ZNRF1: variants seen among roughly 807,000 people sequenced by gnomAD.
The protein encoded by ZNRF1 is zinc and ring finger 1.
In ZNRF1, 3 loss-of-function variants were observed where a neutral mutation model predicts 18.4. The ratio of observed to expected loss-of-function variants is 0.16; its 90% CI spans 0.07 to 0.42. ZNRF1 has a LOEUF of 0.42. Ranked by LOEUF, ZNRF1 falls within the 10% of genes least tolerant of loss-of-function variation. The pLI is 0.99. For missense variants in ZNRF1, 310 were observed against 329.8 expected, an observed-to-expected ratio of 0.94 and a Z score of 0.47; for synonymous variants, 157 against 144.2, an observed-to-expected ratio of 1.09 and a Z score of -0.64.
chr16:75,043,463 A>T (rs965123625), intron 1 of ZNRF1, among the ~76,000 whole-genome samples: 2 of 152,114 alleles, frequency 1.3e-5, no homozygotes, highest in African/African-American at 4.8e-5. Context: ...CTGCCTTCCA[A>T]AACTGTACAG....
At chr16:75,076,679 G>A (rs181103626) in intron 1 of ZNRF1, among the ~76,000 whole-genome samples, 8 of 147,886 alleles carry the variant, frequency 5.4e-5, no homozygotes, top group African/African-American at 1.7e-4. Flanking sequence ...GCTACGGACT[G>A]AATGTGTTTT....
chr16:75,107,722 G>A lies in ZNRF1; in HGVS notation c.*33-11G>A, dbSNP rs1408293902. The A allele has an allele frequency of 6.6e-6, 3 of 456,228 alleles. No individual in the cohort carries two copies. The highest frequency in any genetic ancestry group is 1.3e-5 in the Non-Finnish European group (3 of 226,784). 28.3% of individuals were successfully genotyped at this position (456,228 alleles called of 1,614,324 possible). Reference sequence around the variant, plus strand: ...CGATGGAGCACGACTTATTTATTACGGTCCACACAGGGACAGAGCGCCCCT... The same window carrying A: ...CGATGGAGCACGACTTATTTATTACAGTCCACACAGGGACAGAGCGCCCCT... On this transcript the variant is annotated splice_polypyrimidine_tract_variant and intron_variant, in intron 4 of 4. Coordinates refer to ENST00000335325, the MANE Select transcript of ZNRF1 (RefSeq NM_032268.5).
rs1471755967 is a variant in ZNRF1 at position 74,999,595 on chromosome 16, C to T, written c.-77C>T. 3 of 1,109,124 alleles carry T rather than the reference C, an allele frequency of 2.7e-6. No individual in the cohort carries two copies. Among genetic ancestry groups the T allele is most frequent in the Non-Finnish European group, 3.5e-6 (3 of 859,478 alleles). 68.7% of individuals were successfully genotyped at this position (1,109,124 alleles called of 1,614,324 possible). ...GACTCCCTCCCCCTTTATGCTCGCC[C>T]AGCCCTCCCCCTGCTGCTGAGAAGT... is the stretch of plus-strand genomic sequence containing the variant. On this transcript the variant is annotated 5_prime_UTR_variant, in exon 1 of 5. It introduces an in-frame stop codon into an upstream open reading frame of the 5' UTR. Coordinates refer to ENST00000335325, the MANE Select transcript of ZNRF1 (RefSeq NM_032268.5).
rs370866660 is a variant in ZNRF1, at chr16:75,000,111, G to C, written c.424+16G>C. ...TCGCATAGTGGTGAGTCCGCGGGTG[G>C]TGGAGGCCTCGGAGGGAGGGCGCGC... On this transcript the variant is annotated intron_variant, in intron 1 of 4. Coordinates refer to ENST00000335325, the MANE Select transcript of ZNRF1 (RefSeq NM_032268.5). The C allele has an allele frequency of 5.6e-6, 9 of 1,593,246 alleles. No homozygotes were observed. Among genetic ancestry groups the C allele is most frequent in the Non-Finnish European group, 6.8e-6 (8 of 1,171,444 alleles).
At chr16:75,022,390 C>T (rs1421623863) in intron 1 of ZNRF1, among the ~76,000 whole-genome samples, 3 of 151,722 alleles carry the variant, frequency 2.0e-5, no homozygotes, top group Non-Finnish European at 2.9e-5. Flanking sequence ...GGTGAAACCC[C>T]GTCTCTACTA....
chr16:75,000,269 C>T, intron 1 of ZNRF1, 174 bp downstream of exon 1: 1 of 993,206 alleles, frequency 1.0e-6, no homozygotes, highest in African/African-American at 1.6e-5. Context: ...ACTAGGCTTT[C>T]TGCGAGGCTG....
At chr16:75,015,319 C>T (rs149547585) in intron 1 of ZNRF1, among the ~76,000 whole-genome samples, 48 of 152,130 alleles carry the variant, frequency 3.2e-4, no homozygotes, top group Admixed American at 2.2e-3. Context: ...GTTTATTGGC[C>T]GGGCGAGGTA....
intron 1 of ZNRF1, among the ~76,000 whole-genome samples, chr16:75,065,140 T>A (rs761047868): frequency 2.0e-5 from 3 of 152,240 alleles, no homozygotes; most frequent in Non-Finnish European, 4.4e-5. Context: ...TTGGCAATTA[T>A]AGTATTACAA....
chr16:75,012,295 A>C (rs139536079), intron 1 of ZNRF1, among the ~76,000 whole-genome samples: 80 of 152,350 alleles, frequency 5.3e-4, no homozygotes, highest in Middle Eastern at 3.4e-3. Flanking sequence ...TAAAAGGATC[A>C]TGAGATGGAA....
intron 4 of ZNRF1, 40 bp downstream of exon 4, chr16:75,106,611 G>A (rs1357919385): frequency 1.3e-6 from 2 of 1,585,724 alleles, no homozygotes; most frequent in Non-Finnish European, 1.7e-6. Flanking sequence ...TCAAGGCTTG[G>A]GGTCAGGTCA....
chr16:75,001,513 T>G (rs184754392), intron 1 of ZNRF1, among the ~76,000 whole-genome samples: 1 of 152,334 alleles, frequency 6.6e-6, no homozygotes, highest in African/African-American at 2.4e-5. Context: ...CAGGACATGA[T>G]TGCCTTTGGC....
chr16:75,084,905 A>G (rs2036056191), intron 1 of ZNRF1, among the ~76,000 whole-genome samples: 1 of 152,252 alleles, frequency 6.6e-6, no homozygotes, highest in Non-Finnish European at 1.5e-5. Flanking sequence ...GAAAAGTTGG[A>G]AGAAGTTTAA....
chr16:75,048,993 G>C (rs1374073418), intron 1 of ZNRF1, among the ~76,000 whole-genome samples: 2 of 150,538 alleles, frequency 1.3e-5, no homozygotes, highest in Non-Finnish European at 3.0e-5. Context: ...TTTATTTGCT[G>C]GAATTTGGAA....
intron 1 of ZNRF1, among the ~76,000 whole-genome samples, chr16:75,034,818 G>C (rs2035355962): frequency 6.6e-6 from 1 of 151,640 alleles, no homozygotes; most frequent in African/African-American, 2.4e-5. Flanking sequence ...GTAGAGACAG[G>C]GTTTTGCCAC....
intron 3 of ZNRF1, chr16:75,105,161 C>G: frequency 2.6e-6 from 1 of 378,640 alleles, no homozygotes; most frequent in Non-Finnish European, 5.0e-6. Context: ...CGTAGAGCCT[C>G]ACAGGTTGGA....
intron 1 of ZNRF1, among the ~76,000 whole-genome samples, chr16:75,035,410 C>A (rs1439913619): frequency 6.6e-6 from 1 of 152,182 alleles, no homozygotes; most frequent in East Asian, 1.9e-4. Flanking sequence ...CACCCAACTG[C>A]AGTGATCATG....
intron 1 of ZNRF1, among the ~76,000 whole-genome samples, chr16:75,076,599 C>T (rs1597897894): frequency 6.7e-6 from 1 of 148,548 alleles, no homozygotes; most frequent in African/African-American, 2.5e-5. Flanking sequence ...GTGGCACATT[C>T]AGTCCATAGC....
At chr16:75,005,205 A>G (rs966825502) in intron 1 of ZNRF1, among the ~76,000 whole-genome samples, 1 of 152,202 alleles carries the variant, frequency 6.6e-6, no homozygotes, top group Non-Finnish European at 1.5e-5. Context: ...GAAAACTTGT[A>G]TTAAAAAGCA....
At position 75,001,469 on chromosome 16, in the gene ZNRF1, T is replaced by G. The variant is rs79476307; in HGVS notation, c.424+1374T>G. Among the ~76,000 whole-genome samples, 541 of 152,340 alleles carry G rather than the reference T, an allele frequency of 3.6e-3. 2 individuals are homozygous for G. Among genetic ancestry groups the G allele is most frequent in the African/African-American group, 0.012 (518 of 41,582 alleles). The stretch of plus-strand genomic sequence containing the variant: ...GACCTCCGGATATCATTGGAGCTTT[T>G]CTGACCTCATGGAACTCTGCCCTGA... On this transcript the variant is annotated intron_variant, in intron 1 of 4. Transcript: ENST00000335325.
Sources: allele counts gnomAD v4.1 joint callset (sites outside exome capture counted in the v4.1 genomes callset), GRCh38; gene constraint gnomAD v4.1.1; transcripts MANE v1.5; gene names NCBI Gene and HGNC (gene_info 2026-07-23, HGNC 2026-07-21).